Variants in DAB2IP observed in about 807,000 individuals in gnomAD.
DAB2IP encodes disabled homolog 2-interacting protein.
In DAB2IP, 28 loss-of-function variants were observed where a neutral mutation model predicts 107.2. That is an observed-to-expected ratio of 0.26 (90% CI 0.19 to 0.36). The LOEUF is 0.36. Ranked by LOEUF, DAB2IP falls within the 10% of genes least tolerant of loss-of-function variation. The probability of loss-of-function intolerance (pLI) is 1.00; values close to 1 mark genes in which losing one functional copy is unlikely to be tolerated. For synonymous variants in DAB2IP, 755 were observed against 706.4 expected, an observed-to-expected ratio of 1.07 and a Z score of -1.09; for missense variants, 1,400 against 1,644.7, an observed-to-expected ratio of 0.85 and a Z score of 2.57.
chr9:121,718,428 T>C (rs1194606417), intron 3 of DAB2IP, among the ~76,000 whole-genome samples: 1 of 152,198 alleles, frequency 6.6e-6, no homozygotes, highest in African/African-American at 2.4e-5. Context: ...ATTCAAGATC[T>C]ATCTGCAGGG....
At chr9:121,705,401 A>G (rs953939484) in intron 3 of DAB2IP, among the ~76,000 whole-genome samples, 1 of 152,182 alleles carries the variant, frequency 6.6e-6, no homozygotes, top group Non-Finnish European at 1.5e-5. Flanking sequence ...ATGGGGTGAG[A>G]CTGTATAAAG....
At position 121,760,426 on chromosome 9, in the gene DAB2IP, C is replaced by T. The variant is rs554336776; in HGVS notation, c.1157C>T (p.Thr386Met). ...GCCCTGGTGCACATCCTGCAGAGCA[C>T]GGGCAAGGTGAAGGTGCGTGCAGGC... The change falls in exon 6 of 16, where the codon ACG becomes ATG. Residue 386 changes from threonine (T) to methionine (M), a missense_variant. By Grantham distance (81) the Thr-to-Met change is moderately conservative (BLOSUM62 -1). This residue lies in a region of DAB2IP where 517 missense variants were observed against 748.6 expected (regional missense o/e 0.69). Transcript: ENST00000408936. The surrounding 1 kb of genome is among the most constrained non-coding windows in gnomAD (Gnocchi z 5.9). The T allele has an allele frequency of 2.5e-6, 4 of 1,600,770 alleles. No homozygotes were observed. The highest frequency in any genetic ancestry group is 4.5e-5 in the East Asian group (2 of 44,714).
In DAB2IP at chr9:121,760,105, C is replaced by T. The variant is rs1353651285; in HGVS notation, c.836C>T (p.Thr279Ile). The stretch of plus-strand genomic sequence containing the variant: ...GTCACTGTCCACCTGTACCGGGAGA[C>T]CGACAAGAAGAAGAAGAAGGAGCGC... The change falls in exon 6 of 16, where the codon ACC (threonine) becomes ATC (isoleucine). Residue 279 changes from threonine (T) to isoleucine (I), a missense_variant. By Grantham distance (89) the Thr-to-Ile change is moderately conservative. Coordinates refer to ENST00000408936, the Ensembl canonical transcript of DAB2IP. This position sits in a 1 kb window ranked among gnomAD's most constrained non-coding sequence, Gnocchi z 5.9. The T allele has an allele frequency of 1.2e-6, 2 of 1,614,004 alleles. No homozygotes were observed.
chr9:121,758,874 C>T (rs1008484111), intron 4 of DAB2IP, 24 bp from the exon 5 acceptor site: 1 of 1,607,014 alleles, frequency 6.2e-7, no homozygotes, highest in Admixed American at 1.7e-5. Flanking sequence ...TCCCTCATAA[C>T]ACTGTCTTGC....
intron 1 of DAB2IP, among the ~76,000 whole-genome samples, chr9:121,579,999 G>T (rs779539193): frequency 9.2e-5 from 14 of 152,138 alleles, no homozygotes; most frequent in Non-Finnish European, 1.8e-4. Context: ...TTCTGGGTAG[G>T]AACGATGCCC....
At chr9:121,746,037 G>A (rs573554982) in intron 3 of DAB2IP, among the ~76,000 whole-genome samples, 2 of 152,296 alleles carry the variant, frequency 1.3e-5, no homozygotes, top group South Asian at 4.1e-4. Flanking sequence ...CAGGTGAGGT[G>A]GTCTGGGGTC....
At chr9:121,612,696 A>G (rs1831137760) in intron 1 of DAB2IP, among the ~76,000 whole-genome samples, 1 of 152,172 alleles carries the variant, frequency 6.6e-6, no homozygotes, top group Non-Finnish European at 1.5e-5. Context: ...CCTTTGGGGA[A>G]GCCACAAATT....
Position 121,760,148 on chromosome 9 carries a change from G to A in DAB2IP, c.879G>A (p.Leu293=), listed in dbSNP as rs1240549440. The change falls in exon 6 of 16, where the codon CTG becomes CTA. Residue 293 remains leucine, a synonymous_variant. Coordinates refer to ENST00000408936, the Ensembl canonical transcript of DAB2IP. The surrounding 1 kb of genome is among the most constrained non-coding windows in gnomAD (Gnocchi z 5.9). Reference sequence around the variant, plus strand: ...AGGAGCGCAACAGTTACCTGGGCCTGGTGAGCCTACCTGCTGCCTCGGTGG... The same window carrying A: ...AGGAGCGCAACAGTTACCTGGGCCTAGTGAGCCTACCTGCTGCCTCGGTGG... The A allele has an allele frequency of 6.2e-7, 1 of 1,613,918 alleles. No homozygotes were observed. Among genetic ancestry groups the A allele is most frequent in the Admixed American group, 1.7e-5 (1 of 60,034 alleles).
intron 2 of DAB2IP, among the ~76,000 whole-genome samples, chr9:121,697,511 T>C (rs1829486674): frequency 1.3e-5 from 2 of 152,174 alleles, no homozygotes; most frequent in African/African-American, 4.8e-5. Flanking sequence ...ATGCCATGTG[T>C]CCTGGAGAGC....
chr9:121,688,459 G>A (rs1215765665), intron 2 of DAB2IP, among the ~76,000 whole-genome samples: 3 of 152,242 alleles, frequency 2.0e-5, no homozygotes, highest in South Asian at 4.2e-4. Flanking sequence ...CCAGCTCCCC[G>A]GCCTGGCATT....
chr9:121,688,513 G>T (rs1444172656), intron 2 of DAB2IP, among the ~76,000 whole-genome samples: 6 of 152,052 alleles, frequency 3.9e-5, no homozygotes, highest in Non-Finnish European at 7.4e-5. Flanking sequence ...TTGTGTGGGC[G>T]GATCCTTCTA....
At chr9:121,730,075 A>T (rs1831441673) in intron 3 of DAB2IP, among the ~76,000 whole-genome samples, 1 of 152,064 alleles carries the variant, frequency 6.6e-6, no homozygotes, top group South Asian at 2.1e-4. Flanking sequence ...CTCCATCCTC[A>T]TCTCCACGCT....
At chr9:121,738,532 G>A (rs1300090803) in intron 3 of DAB2IP, among the ~76,000 whole-genome samples, 3 of 152,116 alleles carry the variant, frequency 2.0e-5, no homozygotes, top group African/African-American at 7.2e-5. Context: ...GGTTGGCCTT[G>A]TTCAGATCTA....
At chr9:121,769,866 AT>A (rs1251125587) in intron 10 of DAB2IP, among the ~76,000 whole-genome samples, 1 of 152,228 alleles carries the variant, frequency 6.6e-6, no homozygotes. Flanking sequence ...TGCAACAGGG[AT>A]TTGAAACTCA....
At chr9:121,668,907 C>CTTTTTTTTTT (rs377320590) in intron 1 of DAB2IP, among the ~76,000 whole-genome samples, 3 of 72,154 alleles carry the variant, frequency 4.2e-5, no homozygotes, top group African/African-American at 6.0e-5. Flanking sequence ...GTAAGCCTTA[C>CTTTTTTTTTT]TTTTTTTTTT....
chr9:121,637,288 G>T (rs1170216908), intron 1 of DAB2IP, among the ~76,000 whole-genome samples: 1 of 152,228 alleles, frequency 6.6e-6, no homozygotes, highest in Non-Finnish European at 1.5e-5. Flanking sequence ...TGGCACAGAG[G>T]ATACCCTTGA....
chr9:121,682,560 C>G (rs1390199045), intron 2 of DAB2IP, among the ~76,000 whole-genome samples: 1 of 152,172 alleles, frequency 6.6e-6, no homozygotes, highest in Non-Finnish European at 1.5e-5. Context: ...AGCCGAGGAC[C>G]TGCAGCCACT....
At chr9:121,777,263 C>A (rs757878959) in intron 14 of DAB2IP, among the ~76,000 whole-genome samples, 3 of 152,212 alleles carry the variant, frequency 2.0e-5, no homozygotes, top group African/African-American at 7.2e-5. Flanking sequence ...CCAGGAAGGC[C>A]TCTGCTCCAT....
At chr9:121,751,912 G>A (rs559317923) in intron 3 of DAB2IP, 6 of 985,370 alleles carry the variant, frequency 6.1e-6, no homozygotes, top group Middle Eastern at 5.2e-4. Context: ...TGGCTGTCCC[G>A]TGTGTGACCT....
Sources: allele counts gnomAD v4.1 joint callset (sites outside exome capture counted in the v4.1 genomes callset), GRCh38; gene constraint gnomAD v4.1.1; regional missense constraint gnomAD v4.1.1; non-coding constraint Gnocchi (gnomAD v3.1); transcripts MANE v1.5; gene names NCBI Gene and HGNC (gene_info 2026-07-23, HGNC 2026-07-21).